KIAA1217: variants seen among roughly 807,000 people sequenced by gnomAD.
KIAA1217 encodes the protein sickle tail protein homolog.
KIAA1217 carries 88 observed loss-of-function variants against 163.9 expected under a neutral mutation model. That is an observed-to-expected ratio of 0.54 (90% CI 0.45 to 0.64). The LOEUF (loss-of-function observed/expected upper bound fraction) is 0.64. Among genes scored for constraint, KIAA1217 ranks in the 30% least tolerant of loss-of-function variants. The pLI is 0.00. For missense variants in KIAA1217, 2,372 were observed against 2,475.0 expected (o/e 0.96, Z 0.88); for synonymous variants, 903 against 923.1 (o/e 0.98, Z 0.39).
intron 6 of KIAA1217, among the ~76,000 whole-genome samples, chr10:24,489,671 GGGCAACAT>G (rs2065855152): frequency 6.6e-6 from 1 of 151,840 alleles, no homozygotes; most frequent in Admixed American, 6.6e-5. Context: ...AGACCAGCCT[GGGCAACAT>G]GGTGAAACCC....
intron 2 of KIAA1217, among the ~76,000 whole-genome samples, chr10:24,044,774 G>A (rs903265203): frequency 6.6e-6 from 1 of 152,100 alleles, no homozygotes; most frequent in Non-Finnish European, 1.5e-5. Context: ...AAGCTGAAAA[G>A]TGTGCTAAAT....
chr10:23,704,172 G>GTGTGTGTGTGTGTATATATATATATATA (rs1229370789), intron 1 of KIAA1217, among the ~76,000 whole-genome samples: 1 of 39,926 alleles, frequency 2.5e-5, no homozygotes, highest in African/African-American at 1.3e-4. Context: ...GTGTGTGTGT[G>GTGTGTGTGTGTGTATATATATATATATA]TATATATATA....
intron 2 of KIAA1217, among the ~76,000 whole-genome samples, chr10:24,361,836 G>A (rs1230991096): frequency 5.3e-5 from 8 of 151,842 alleles, no homozygotes; most frequent in African/African-American, 1.2e-4. Context: ...TTAGCCAGGC[G>A]TGGTGGCGGG....
At chr10:24,151,828 C>G (rs910207768) in intron 2 of KIAA1217, among the ~76,000 whole-genome samples, 1 of 152,032 alleles carries the variant, frequency 6.6e-6, no homozygotes, top group Non-Finnish European at 1.5e-5. Context: ...GGTTAGAGAA[C>G]TGAGGGCCAG....
intron 2 of KIAA1217, among the ~76,000 whole-genome samples, chr10:24,180,622 A>G (rs1056442379): frequency 1.3e-5 from 2 of 151,860 alleles, no homozygotes; most frequent in African/African-American, 4.8e-5. Flanking sequence ...CTCAAGTTCA[A>G]ATTTGTTTTC....
At chr10:24,350,400 C>T (rs1191229777) in intron 2 of KIAA1217, among the ~76,000 whole-genome samples, 1 of 152,148 alleles carries the variant, frequency 6.6e-6, no homozygotes. Context: ...AGTTACTTGG[C>T]ATGACTTCGA....
chr10:24,246,925 A>G (rs542574302), intron 2 of KIAA1217, among the ~76,000 whole-genome samples: 2 of 152,048 alleles, frequency 1.3e-5, no homozygotes, highest in African/African-American at 4.8e-5. Flanking sequence ...GAGGCAGGAG[A>G]ATCACTGGAA....
intron 1 of KIAA1217, among the ~76,000 whole-genome samples, chr10:23,703,662 C>T (rs1271254118): frequency 6.6e-6 from 1 of 152,068 alleles, no homozygotes. Context: ...CCCCATACTG[C>T]ACTGTTTTCA....
At chr10:24,446,823 G>C (rs904069275) in intron 5 of KIAA1217, among the ~76,000 whole-genome samples, 1 of 152,218 alleles carries the variant, frequency 6.6e-6, no homozygotes, top group Admixed American at 6.5e-5. Flanking sequence ...TGAGGCTTAA[G>C]AGAGGTCAGT....
At chr10:24,430,100 C>A (rs564177623) in intron 3 of KIAA1217, among the ~76,000 whole-genome samples, 1 of 152,258 alleles carries the variant, frequency 6.6e-6, no homozygotes, top group South Asian at 2.1e-4. Context: ...GAGCCCTGAT[C>A]ATGTCACTGC....
intron 1 of KIAA1217, among the ~76,000 whole-genome samples, chr10:23,979,044 A>G (rs531354846): frequency 1.9e-4 from 29 of 152,134 alleles, no homozygotes; most frequent in Non-Finnish European, 3.5e-4. Flanking sequence ...CCTTACCTGG[A>G]TCATCAGGTA....
At chr10:24,396,614 C>T (rs935838381) in intron 3 of KIAA1217, among the ~76,000 whole-genome samples, 9 of 152,082 alleles carry the variant, frequency 5.9e-5, no homozygotes, top group African/African-American at 1.9e-4. Flanking sequence ...CGAGCCATGA[C>T]CTGGAGCATG....
At chr10:23,897,850 A>C (rs772349375) in intron 1 of KIAA1217, among the ~76,000 whole-genome samples, 4 of 152,248 alleles carry the variant, frequency 2.6e-5, no homozygotes, top group Non-Finnish European at 4.4e-5. Context: ...TTAAATGTCT[A>C]TAGTATGTTA....
At chr10:24,179,701 C>T (rs1316508898) in intron 2 of KIAA1217, among the ~76,000 whole-genome samples, 3 of 152,024 alleles carry the variant, frequency 2.0e-5, no homozygotes. Context: ...TGATTCTTGT[C>T]CCTCAGCCAC....
At chr10:23,843,492 T>G (rs1039012293) in intron 1 of KIAA1217, among the ~76,000 whole-genome samples, 23 of 152,270 alleles carry the variant, frequency 1.5e-4, no homozygotes, top group African/African-American at 5.1e-4. Flanking sequence ...TCAGCCAGTT[T>G]CCAGAAGTGC....
intron 2 of KIAA1217, among the ~76,000 whole-genome samples, chr10:24,319,486 C>G (rs917463540): frequency 4.7e-5 from 7 of 149,680 alleles, no homozygotes; most frequent in Non-Finnish European, 7.4e-5. Flanking sequence ...CTGTGAACAG[C>G]AAGGAAAATA....
At chr10:24,524,194 T>C (rs2071743691) in intron 12 of KIAA1217, 129 bp from the exon 13 acceptor site, 4 of 857,938 alleles carry the variant, frequency 4.7e-6, no homozygotes, top group Non-Finnish European at 5.5e-6. Flanking sequence ...TCTATACATG[T>C]CCCTAAGCGG....
At chr10:23,726,979 CT>C (rs1012125050) in intron 1 of KIAA1217, among the ~76,000 whole-genome samples, 183 of 93,384 alleles carry the variant, frequency 2.0e-3, no homozygotes, top group African/African-American at 5.3e-3. Context: ...GTATAGGCCT[CT>C]TTTTTTTTTT....
At position 24,135,622 on chromosome 10, in the gene KIAA1217, T is replaced by C. The variant is rs75845427; in HGVS notation, c.-170-84004T>C. ...GAGGGGAGAGAGCTGACACCTGACA[T>C]ATCGGTCCATGCAGCGTGGAGAGGA... On this transcript the variant is annotated intron_variant, in intron 2 of 18. Transcript: ENST00000376462. 8.9e-3 allele frequency among the ~76,000 whole-genome samples: 1,359 copies of C among 151,956 alleles called. 39 individuals are homozygous for C. In the East Asian group the frequency reaches 0.096, roughly 11 times the overall value.
Sources: gnomAD v4.1 joint callset for allele counts (sites outside exome capture counted in the v4.1 genomes callset) on GRCh38, gnomAD v4.1.1 for gene constraint, MANE v1.5 for transcripts, NCBI Gene and HGNC (gene_info 2026-07-23, HGNC 2026-07-21) for gene names.